The following SULT1C3 variants were observed in gnomAD, a reference collection of about 807,000 sequenced individuals.
SULT1C3 encodes sulfotransferase family 1C member 3.
Under a neutral mutation model 28.4 loss-of-function variants are expected in SULT1C3, and 31 were observed. The ratio of observed to expected loss-of-function variants is 1.09; its 90% confidence interval spans 0.82 to 1.47. The LOEUF is 1.47. Ranked by LOEUF, SULT1C3 falls within the 40% of genes most tolerant of loss-of-function variation. The pLI is 0.00. For missense variants in SULT1C3, 307 were observed against 272.5 expected (o/e 1.13, Z -0.89); for synonymous variants, 106 against 92.2 (o/e 1.15, Z -0.86).
intron 2 of SULT1C3, among the ~76,000 whole-genome samples, chr2:108,248,733 G>A (rs1349553833): frequency 6.6e-6 from 1 of 152,092 alleles, no homozygotes; most frequent in Non-Finnish European, 1.5e-5. Context: ...AATCAGGATA[G>A]GATGGACAGA....
intron 5 of SULT1C3, among the ~76,000 whole-genome samples, chr2:108,257,404 T>C (rs1265288147): frequency 6.6e-6 from 1 of 152,156 alleles, no homozygotes; most frequent in Non-Finnish European, 1.5e-5. Context: ...TATCTATATG[T>C]ACATATTACA....
At chr2:108,253,597 A>T (rs1558664462) in intron 4 of SULT1C3, among the ~76,000 whole-genome samples, 155 bp downstream of exon 4, 1 of 152,086 alleles carries the variant, frequency 6.6e-6, no homozygotes, top group Non-Finnish European at 1.5e-5. Context: ...GGATTACATA[A>T]ATTTGAAATC....
downstream of SULT1C3, chr2:108,264,952 C>T: frequency 6.2e-7 from 1 of 1,613,976 alleles, no homozygotes. Flanking sequence ...ACCAACTATA[C>T]CACTTTGCCC....
chr2:108,265,077 T>C (rs1558668692), downstream of SULT1C3: 7 of 1,502,410 alleles, frequency 4.7e-6, no homozygotes, highest in African/African-American at 1.4e-5. Flanking sequence ...GATTTTCCAG[T>C]AATGTTTCAT....
chr2:108,249,332 A>G (rs559415349), intron 2 of SULT1C3, among the ~76,000 whole-genome samples: 2 of 152,182 alleles, frequency 1.3e-5, no homozygotes, highest in South Asian at 4.1e-4. Flanking sequence ...AAGGTCAAAG[A>G]CTTTTTCTCT....
rs13419222 is a variant in SULT1C3 at position 108,249,253 on chromosome 2, C to T, written c.172+1887C>T. On this transcript the variant is annotated intron_variant, in intron 2 of 7. Transcript: ENST00000681802. ...CATGAAGCTTGTGGTAATTTGTTAA[C>T]CACAAAGTCTTCAACCTAGAATTCC... is the stretch of plus-strand genomic sequence containing the variant. Among the ~76,000 whole-genome samples, 336 of 152,002 alleles carry T rather than the reference C, an allele frequency of 2.2e-3. 1 individual carries two copies. Among genetic ancestry groups the T allele is most frequent in the African/African-American group, 7.6e-3 (317 of 41,478 alleles).
intron 7 of SULT1C3, among the ~76,000 whole-genome samples, chr2:108,260,240 G>A (rs1675987606): frequency 6.6e-6 from 1 of 152,136 alleles, no homozygotes; most frequent in Non-Finnish European, 1.5e-5. Context: ...CCCCCAGGAA[G>A]TCCATGATGG....
chr2:108,246,875 C>T (rs6759209), intron 1 of SULT1C3, among the ~76,000 whole-genome samples: 151,324 of 152,318 alleles, frequency 0.99, 75,170 homozygotes, highest in East Asian at 1. Context: ...GGTCATGCAG[C>T]AGGAAAAAGA....
chr2:108,244,281 G>A (rs1005495216), intron 1 of SULT1C3, among the ~76,000 whole-genome samples: 1 of 152,110 alleles, frequency 6.6e-6, no homozygotes, highest in Non-Finnish European at 1.5e-5. Flanking sequence ...ACACTTCTGG[G>A]TTCCCTTCCC....
chr2:108,254,748 CATATGTATGTAT>C lies in SULT1C3; in HGVS notation c.400-811_400-800del, dbSNP rs200438269. On this transcript the variant is annotated intron_variant, in intron 4 of 7. Coordinates refer to ENST00000681802, the MANE Select transcript of SULT1C3 (RefSeq NM_001320878.2). ...ATATGTATATATGTATGTATGCATA[CATATGTATGTAT>C]ATATGTATGTATGCATATATATGTA... Among the ~76,000 whole-genome samples the C allele has an allele frequency of 8.0e-3, 1,023 of 127,658 alleles. 12 individuals are homozygous for C. Among genetic ancestry groups the C allele is most frequent in the African/African-American group, 0.033 (945 of 28,478 alleles). 83.7% of individuals were successfully genotyped at this position (127,658 alleles called of 152,430 possible).
intron 1 of SULT1C3, among the ~76,000 whole-genome samples, chr2:108,245,949 T>C (rs1160486725): frequency 5.9e-5 from 9 of 152,226 alleles, no homozygotes; most frequent in Admixed American, 5.2e-4. Flanking sequence ...AATTATTTGA[T>C]GCTCAGAAAT....
downstream of SULT1C3, chr2:108,265,312 G>C: frequency 6.2e-7 from 1 of 1,613,974 alleles, no homozygotes; most frequent in Non-Finnish European, 8.5e-7. Context: ...ACCAGAAGAA[G>C]ATGGCAGGAA....
chr2:108,243,364 G>T (rs574602504), intron 1 of SULT1C3, among the ~76,000 whole-genome samples: 1 of 152,212 alleles, frequency 6.6e-6, no homozygotes, highest in Admixed American at 6.5e-5. Flanking sequence ...GGGCGCGGTG[G>T]CTCACACCTG....
intron 4 of SULT1C3, 45 bp from the exon 5 acceptor site, chr2:108,255,527 G>A (rs372693842): frequency 4.2e-5 from 67 of 1,597,422 alleles, no homozygotes; most frequent in Middle Eastern, 3.4e-4. Flanking sequence ...TTTCATGTCA[G>A]TCTATTTTTC....
At chr2:108,265,244 C>G, downstream of SULT1C3, 1 of 1,613,334 alleles carries the variant, frequency 6.2e-7, no homozygotes, top group Non-Finnish European at 8.5e-7. Context: ...TTCAGGGATG[C>G]CTGGAGACTG....
chr2:108,254,380 G>C (rs914893158), intron 4 of SULT1C3, among the ~76,000 whole-genome samples: 1 of 151,832 alleles, frequency 6.6e-6, no homozygotes, highest in African/African-American at 2.4e-5. Flanking sequence ...TTTCATAGAG[G>C]GCCCCTACAG....
intron 2 of SULT1C3, among the ~76,000 whole-genome samples, chr2:108,251,896 A>G (rs1483768027): frequency 6.6e-6 from 1 of 152,040 alleles, no homozygotes; most frequent in Non-Finnish European, 1.5e-5. Flanking sequence ...TTTATTATAA[A>G]CTAGATGTGA....
chr2:108,247,110 TA>T, intron 1 of SULT1C3, 77 bp from the exon 2 acceptor site: 1 of 1,121,678 alleles, frequency 8.9e-7, no homozygotes, highest in African/African-American at 1.6e-5. Context: ...TCAAAGGCAG[TA>T]AGATGATAAC....
rs559452956 is a variant in SULT1C3, at chr2:108,260,617, C to A, written c.852C>A (p.Asn284Lys). 70 of 505,726 alleles carry A rather than the reference C, an allele frequency of 1.4e-4. 1 individual carries two copies. The highest frequency in any genetic ancestry group is 9.8e-4 in the South Asian group (67 of 68,706). 31.3% of individuals were successfully genotyped at this position (505,726 alleles called of 1,614,324 possible). A position where few individuals can be genotyped will look rare whatever the true frequency, so the allele number is the denominator to read the frequency against. Residue 284 changes from asparagine (N) to lysine (K), a missense_variant, in exon 8 of 8, where the codon AAC becomes AAA. By Grantham distance (94) the Asn-to-Lys change is moderately conservative. Transcript: ENST00000681802. ...KNHFTVALNENFDKHYEKKMA... is the reference protein window; with the variant it reads ...KNHFTVALNEKFDKHYEKKMA... ...ACTTTACTGTGGCTTTGAATGAGAACTTTGATAAGCATTATGAAAAGAAGA... is the reference window on the plus strand; with the variant it reads ...ACTTTACTGTGGCTTTGAATGAGAAATTTGATAAGCATTATGAAAAGAAGA...
Sources: allele counts gnomAD v4.1 joint callset (sites outside exome capture counted in the v4.1 genomes callset), GRCh38; gene constraint gnomAD v4.1.1; transcripts MANE v1.5; gene names NCBI Gene and HGNC (gene_info 2026-07-23, HGNC 2026-07-21).